The following AGAP1 variants were observed in gnomAD, a reference collection of about 807,000 sequenced individuals.
AGAP1 encodes arf-GAP with GTPase, ANK repeat and PH domain-containing protein 1.
Under a neutral mutation model 105.3 loss-of-function variants are expected in AGAP1, and 29 were observed. That is an observed-to-expected ratio of 0.28 (90% CI 0.21 to 0.38). The LOEUF is 0.38. Ranked by LOEUF, AGAP1 falls within the 10% of genes least tolerant of loss-of-function variation. The pLI is 1.00. For synonymous variants in AGAP1, 509 were observed against 485.9 expected (o/e 1.05, Z -0.63); for missense variants, 998 against 1,165.1 (o/e 0.86, Z 2.09).
chr2:235,715,049 G>A (rs963225383), intron 2 of AGAP1, among the ~76,000 whole-genome samples: 3 of 152,024 alleles, frequency 2.0e-5, no homozygotes, highest in Admixed American at 6.6e-5. Context: ...TGCCCGCTTC[G>A]GCCCCCCAAA....
rs193054081 is a variant in AGAP1, at chr2:235,555,729, G to A, written c.163+60880G>A. Among the ~76,000 whole-genome samples the A allele has an allele frequency of 3.3e-5, 5 of 152,310 alleles. No homozygotes were observed. Among genetic ancestry groups the A allele is most frequent in the Admixed American group, 2.6e-4 (4 of 15,308 alleles). On this transcript the variant is annotated intron_variant, in intron 1 of 17. Coordinates refer to ENST00000304032, the MANE Select transcript of AGAP1 (RefSeq NM_001037131.3). The surrounding 1 kb of genome is among the most constrained non-coding windows in gnomAD (Gnocchi z 5.1). ...TCAGTCTCCTTCTGTGATTCAGACC[G>A]TAGTGAAGCCCTGGTTGGCTGAAGT... is the stretch of plus-strand genomic sequence containing the variant.
rs976978485 is a variant in AGAP1 at position 235,919,591 on chromosome 2, T to A, written c.1324+10685T>A. 6.6e-6 allele frequency among the ~76,000 whole-genome samples: 1 copy of A among 152,110 alleles called. No homozygotes were observed. Among genetic ancestry groups the A allele is most frequent in the Non-Finnish European group, 1.5e-5 (1 of 67,994 alleles). On this transcript the variant is annotated intron_variant, in intron 11 of 17. Transcript: ENST00000304032. This position sits in a 1 kb window ranked among gnomAD's most constrained non-coding sequence, Gnocchi z 4.1. ...AGAGAAAGAAGTAGTAGTGAATACT[T>A]CTCAGGATAGAGCTGTGGGGCCACC...
chr2:235,614,934 G>A lies in AGAP1; in HGVS notation c.164-94245G>A, dbSNP rs1574968191. 6.6e-6 allele frequency among the ~76,000 whole-genome samples: 1 copy of A among 152,214 alleles called. No individual in the cohort carries two copies. The highest frequency in any genetic ancestry group is 2.1e-4 in the South Asian group (1 of 4,830). On this transcript the variant is annotated intron_variant, in intron 1 of 17. Coordinates refer to ENST00000304032, the MANE Select transcript of AGAP1 (RefSeq NM_001037131.3). This position sits in a 1 kb window ranked among gnomAD's most constrained non-coding sequence, Gnocchi z 4.7. ...TTTACAACAAATTTGGTTCACTGGG[G>A]CCGACTTGAAAATAGTCAAAGTCCA...
rs2056129805 is a variant in AGAP1 at position 236,001,715 on chromosome 2, C to T, written c.1645+33092C>T. On this transcript the variant is annotated intron_variant, in intron 13 of 17. Transcript: ENST00000304032. This position sits in a 1 kb window ranked among gnomAD's most constrained non-coding sequence, Gnocchi z 4.7. ...CTTTTGTTTTGTTTCTGTATAAGAT[C>T]ATACCATGTATATTCTGGAATTTTA... Among the ~76,000 whole-genome samples the T allele has an allele frequency of 6.6e-6, 1 of 152,186 alleles. No homozygotes were observed. Among genetic ancestry groups the T allele is most frequent in the Non-Finnish European group, 1.5e-5 (1 of 68,038 alleles).
rs1328837062 is a variant in AGAP1, at chr2:235,739,405, G to A, written c.311-1558G>A. ...CCTGAGTCTTTGGGACCCTCGTGCA[G>A]CTGGGGCTCACCCTGTCTGGACCCA... On this transcript the variant is annotated intron_variant, in intron 3 of 17. Coordinates refer to ENST00000304032, the MANE Select transcript of AGAP1 (RefSeq NM_001037131.3). The surrounding 1 kb of genome is among the most constrained non-coding windows in gnomAD (Gnocchi z 5.3). 6.6e-6 allele frequency among the ~76,000 whole-genome samples: 1 copy of A among 152,246 alleles called. No individual in the cohort carries two copies. The highest frequency in any genetic ancestry group is 1.5e-5 in the Non-Finnish European group (1 of 68,048).
Position 236,120,389 on chromosome 2 carries a change from C to G in AGAP1, c.2312C>G (p.Thr771Arg), listed in dbSNP as rs992108060. 3 of 1,611,492 alleles carry G rather than the reference C, an allele frequency of 1.9e-6. No homozygotes were observed. Among genetic ancestry groups the G allele is most frequent in the South Asian group, 1.1e-5 (1 of 90,994 alleles). ...ACCTGCGGGGAGGGAGACGGCCGCACGGCGCTGCATCTGGCCTGCCGCAAG... is the reference window on the plus strand; with the variant it reads ...ACCTGCGGGGAGGGAGACGGCCGCAGGGCGCTGCATCTGGCCTGCCGCAAG... ...NETCGEGDGR[T>R]ALHLACRKGN... The change falls in exon 17 of 18, where the codon ACG (threonine) becomes AGG (arginine). Residue 771 changes from threonine to arginine, a missense_variant. Physicochemically the swap from Thr to Arg is moderately conservative, Grantham distance 71. This residue lies in a region of AGAP1 where 235 missense variants were observed against 270.7 expected (regional missense o/e 0.87). Coordinates refer to ENST00000304032, the MANE Select transcript of AGAP1 (RefSeq NM_001037131.3). The surrounding 1 kb of genome is among the most constrained non-coding windows in gnomAD (Gnocchi z 6.0).
At chr2:235,943,207 G>A (rs1267296213) in intron 12 of AGAP1, among the ~76,000 whole-genome samples, 1 of 152,128 alleles carries the variant, frequency 6.6e-6, no homozygotes, top group Non-Finnish European at 1.5e-5. Flanking sequence ...CACAACCTAG[G>A]AACCCAACAG....
rs1575809304 is a variant in AGAP1, at chr2:235,930,667, T to G, written c.1325-98T>G. Reference sequence around the variant, plus strand: ...ACAGGGGCTGCTCTCGGTGGTAAGGTGCACTATGTGCCAGCGTGTGGGTCC... The same window carrying G: ...ACAGGGGCTGCTCTCGGTGGTAAGGGGCACTATGTGCCAGCGTGTGGGTCC... On this transcript the variant is annotated intron_variant, in intron 11 of 17. Transcript: ENST00000304032. The surrounding 1 kb of genome is among the most constrained non-coding windows in gnomAD (Gnocchi z 7.9). 6 of 1,221,938 alleles carry G rather than the reference T, an allele frequency of 4.9e-6. No individual in the cohort carries two copies. The highest frequency in any genetic ancestry group is 2.6e-5 in the East Asian group (1 of 38,948). 75.7% of individuals were successfully genotyped at this position (1,221,938 alleles called of 1,614,324 possible). A position where few individuals can be genotyped will look rare whatever the true frequency, so the allele number is the denominator to read the frequency against.
rs1449373521 is a variant in AGAP1 at position 236,104,838 on chromosome 2, G to A, written c.2115-15354G>A. ...AACCGGGACCCGGGAGGCGGAGGTA[G>A]CAGTGAGCCCAAGTTCATGCCACTG... On this transcript the variant is annotated intron_variant, in intron 16 of 17. Transcript: ENST00000304032. The surrounding 1 kb of genome is among the most constrained non-coding windows in gnomAD (Gnocchi z 4.7). Among the ~76,000 whole-genome samples the A allele has an allele frequency of 2.0e-5, 3 of 152,114 alleles. No individual in the cohort carries two copies. The highest frequency in any genetic ancestry group is 7.2e-5 in the African/African-American group (3 of 41,424).
intron 1 of AGAP1, chr2:235,670,585 G>A: frequency 1.9e-6 from 1 of 540,270 alleles, no homozygotes. Context: ...GCGGGCCTGA[G>A]GCGCCGCAAG....
chr2:235,846,704 A>G lies in AGAP1; in HGVS notation c.1051-36641A>G, dbSNP rs1352018309. Among the ~76,000 whole-genome samples the G allele has an allele frequency of 3.3e-5, 5 of 152,040 alleles. 1 individual carries two copies. Among genetic ancestry groups the G allele is most frequent in the African/African-American group, 9.7e-5 (4 of 41,388 alleles). The stretch of plus-strand genomic sequence containing the variant: ...CAGGCTGGAGTGCAGTGGCATAATC[A>G]CAGCTCACTGCAGCCTCTAACTCCT... On this transcript the variant is annotated intron_variant, in intron 9 of 17. Transcript: ENST00000304032.
chr2:235,626,024 A>G (rs1305604117), intron 1 of AGAP1, among the ~76,000 whole-genome samples: 1 of 152,104 alleles, frequency 6.6e-6, no homozygotes, highest in Admixed American at 6.6e-5. Flanking sequence ...GGGAAGTGTG[A>G]TATCTGTGTC....
intron 1 of AGAP1, among the ~76,000 whole-genome samples, chr2:235,646,270 CAAA>C (rs3056061): frequency 6.2e-5 from 7 of 112,952 alleles, no homozygotes; most frequent in Non-Finnish European, 1.2e-4. Flanking sequence ...ACTCTGTCTC[CAAA>C]AAAAAAAAAA....
At chr2:235,839,488 T>G (rs1206287598) in intron 9 of AGAP1, among the ~76,000 whole-genome samples, 1 of 149,640 alleles carries the variant, frequency 6.7e-6, no homozygotes, top group Admixed American at 6.6e-5. Context: ...AGCTCATGCC[T>G]CTAATCTCAG....
Position 235,723,314 on chromosome 2 carries a change from G to T in AGAP1, c.310+5670G>T, listed in dbSNP as rs912854607. 1.3e-5 allele frequency among the ~76,000 whole-genome samples: 2 copies of T among 152,058 alleles called. No individual in the cohort carries two copies. Among genetic ancestry groups the T allele is most frequent in the African/African-American group, 4.8e-5 (2 of 41,390 alleles). On this transcript the variant is annotated intron_variant, in intron 3 of 17. Coordinates refer to ENST00000304032, the MANE Select transcript of AGAP1 (RefSeq NM_001037131.3). This position sits in a 1 kb window ranked among gnomAD's most constrained non-coding sequence, Gnocchi z 6.2. ...TGTGTTTATGTGCTTAATATTCAGCGTCCCCCAACACAGACCCCACATGAT... is the reference window on the plus strand; with the variant it reads ...TGTGTTTATGTGCTTAATATTCAGCTTCCCCCAACACAGACCCCACATGAT...
At chr2:235,778,176 C>T (rs1470850807) in intron 6 of AGAP1, among the ~76,000 whole-genome samples, 8 of 152,186 alleles carry the variant, frequency 5.3e-5, no homozygotes, top group Non-Finnish European at 1.0e-4. Context: ...GACTCCCCTC[C>T]CTTCCTCCCT....
intron 15 of AGAP1, among the ~76,000 whole-genome samples, 199 bp downstream of exon 15, chr2:236,041,040 G>T (rs2057534552): frequency 6.6e-6 from 1 of 152,174 alleles, no homozygotes; most frequent in Non-Finnish European, 1.5e-5. Context: ...TGGCTGCAGG[G>T]TGCGTTTCTG....
At chr2:235,715,723 G>A (rs535674183) in intron 2 of AGAP1, among the ~76,000 whole-genome samples, 1 of 152,304 alleles carries the variant, frequency 6.6e-6, no homozygotes, top group East Asian at 1.9e-4. Context: ...GCAGGTGCTT[G>A]CAGGCAGAGA....
intron 16 of AGAP1, among the ~76,000 whole-genome samples, chr2:236,079,350 C>G (rs2058721492): frequency 7.1e-6 from 1 of 141,126 alleles, no homozygotes; most frequent in African/African-American, 2.8e-5. Context: ...GAGACTCTGT[C>G]TCTACAAAAA....
Sources: gnomAD v4.1 joint callset for allele counts (sites outside exome capture counted in the v4.1 genomes callset) on GRCh38, gnomAD v4.1.1 for gene constraint, gnomAD v4.1.1 regional missense constraint, Gnocchi (gnomAD v3.1) non-coding constraint, MANE v1.5 for transcripts, NCBI Gene and HGNC (gene_info 2026-07-23, HGNC 2026-07-21) for gene names.